Variants in OSBPL3 observed in about 807,000 individuals in gnomAD.
OSBPL3 encodes the protein oxysterol binding protein like 3, also known as oxysterol-binding protein-related protein 3.
OSBPL3 carries 65 observed loss-of-function variants against 120.1 expected under a neutral mutation model. The observed-to-expected ratio is 0.54, with a 90% CI of 0.44 to 0.67. The LOEUF (loss-of-function observed/expected upper bound fraction) is 0.67. OSBPL3 is among the 30% of genes least tolerant of loss of function. OSBPL3 has a pLI of 0.00. For synonymous variants in OSBPL3, 416 were observed against 402.6 expected (o/e 1.03, Z -0.40); for missense variants, 1,004 against 1,082.1 (o/e 0.93, Z 1.01).
chr7:24,848,738 T>C (rs1169521711), intron 12 of OSBPL3, among the ~76,000 whole-genome samples: 3 of 151,790 alleles, frequency 2.0e-5, no homozygotes, highest in Admixed American at 6.6e-5. Context: ...TCTTCAGTAG[T>C]AACAAGAGAA....
In OSBPL3 at chr7:24,946,971, A is replaced by T. The variant is rs570603014; in HGVS notation, c.-150+32915T>A. Among the ~76,000 whole-genome samples the T allele has an allele frequency of 5.3e-5, 8 of 152,340 alleles. No individual in the cohort carries two copies. In the South Asian group the frequency reaches 1.7e-3, roughly 32 times the overall value. ...TTGGCTTGTGCTCAAAACGAAAAGG[A>T]TAAGCATTATTGTTCATTATTCTTG... On this transcript the variant is annotated intron_variant, in intron 1 of 22. Transcript: ENST00000313367. The surrounding 1 kb of genome is among the most constrained non-coding windows in gnomAD (Gnocchi z 4.3).
chr7:24,940,879 G>A lies in OSBPL3; in HGVS notation c.-150+39007C>T, dbSNP rs1235199457. ...CTGTCGCCCAGGCTGGAGTGCACTG[G>A]CGCGATCTCGGCTCACTGCAAGCTC... On this transcript the variant is annotated intron_variant, in intron 1 of 22. Coordinates refer to ENST00000313367, the MANE Select transcript of OSBPL3 (RefSeq NM_015550.4). This position sits in a 1 kb window ranked among gnomAD's most constrained non-coding sequence, Gnocchi z 4.4. 6.6e-6 allele frequency among the ~76,000 whole-genome samples: 1 copy of A among 150,378 alleles called. No individual in the cohort carries two copies. The highest frequency in any genetic ancestry group is 1.9e-4 in the East Asian group (1 of 5,130).
At chr7:24,902,581 G>A (rs188570599) in intron 1 of OSBPL3, among the ~76,000 whole-genome samples, 317 of 152,020 alleles carry the variant, frequency 2.1e-3, no homozygotes, top group Non-Finnish European at 3.8e-3. Context: ...GCATCTTAAG[G>A]TAGGACTAGT....
In OSBPL3 at chr7:24,851,034, T is replaced by C. The variant is rs1799086990; in HGVS notation, c.1158+1470A>G. On this transcript the variant is annotated intron_variant, in intron 11 of 22. Coordinates refer to ENST00000313367, the MANE Select transcript of OSBPL3 (RefSeq NM_015550.4). The surrounding 1 kb of genome is among the most constrained non-coding windows in gnomAD (Gnocchi z 4.1). ...GATACCACAGCCAAATAGGTCTCAGTGGCCAAACAGGCAGATTGACAAGAT... is the reference window on the plus strand; with the variant it reads ...GATACCACAGCCAAATAGGTCTCAGCGGCCAAACAGGCAGATTGACAAGAT... Among the ~76,000 whole-genome samples the C allele has an allele frequency of 6.6e-6, 1 of 152,304 alleles. No homozygotes were observed. Among genetic ancestry groups the C allele is most frequent in the African/African-American group, 2.4e-5 (1 of 41,570 alleles).
chr7:24,865,492 T>A, intron 6 of OSBPL3, 27 bp from the exon 7 acceptor site: 1 of 1,610,558 alleles, frequency 6.2e-7, no homozygotes, highest in Non-Finnish European at 8.5e-7. Flanking sequence ...AAAAGCACAT[T>A]GTAAATGGAA....
chr7:24,843,691 T>C (rs1798056569), intron 12 of OSBPL3, among the ~76,000 whole-genome samples: 1 of 152,230 alleles, frequency 6.6e-6, no homozygotes, highest in Admixed American at 6.5e-5. Flanking sequence ...TTAACAATCC[T>C]ACCCATTTTA....
chr7:24,799,967 T>A lies in OSBPL3; in HGVS notation c.*216A>T. On this transcript the variant is annotated 3_prime_UTR_variant, in exon 23 of 23. Coordinates refer to ENST00000313367, the MANE Select transcript of OSBPL3 (RefSeq NM_015550.4). The surrounding 1 kb of genome is among the most constrained non-coding windows in gnomAD (Gnocchi z 5.3). ...TAAATAGTTTATATATAAAAAGAAA[T>A]GTCAAGGTGTTCTACATTCATATAA... 1 of 265,788 alleles carries A rather than the reference T, an allele frequency of 3.8e-6. No homozygotes were observed. The allele number at this position is 265,788 out of a possible 1,614,324, so 16.5% of individuals were successfully genotyped here.
rs1424202711 is a variant in OSBPL3 at position 24,861,672 on chromosome 7, G to C, written c.968C>G (p.Ser323Cys). The part of the protein sequence containing the change: ...FGEEKNYSDG[S>C]ETSSEFSKMQ... ...TTTAGAAAACTCTGATGAGGTTTCA[G>C]AGCCATCAGAATAATTTTTCTCTTC... The change falls in exon 10 of 23, where the codon TCT becomes TGT. Residue 323 changes from serine to cysteine, a missense_variant. Ser to Cys is a moderately radical substitution (Grantham distance 112). Transcript: ENST00000313367. The C allele has an allele frequency of 1.1e-5, 18 of 1,610,806 alleles. No homozygotes were observed. Among genetic ancestry groups the C allele is most frequent in the Non-Finnish European group, 1.4e-5 (16 of 1,177,444 alleles).
intron 2 of OSBPL3, among the ~76,000 whole-genome samples, chr7:24,880,225 TC>T (rs1803463116): frequency 6.6e-6 from 1 of 152,188 alleles, no homozygotes; most frequent in Non-Finnish European, 1.5e-5. Context: ...AAATTGAAGC[TC>T]CAAATTAGTT....
intron 2 of OSBPL3, among the ~76,000 whole-genome samples, chr7:24,887,454 T>C (rs1020389208): frequency 2.0e-5 from 3 of 152,234 alleles, no homozygotes; most frequent in Non-Finnish European, 4.4e-5. Flanking sequence ...CATCCGTAAT[T>C]ATACCAGTTT....
rs1794060527 is a variant in OSBPL3, at chr7:24,813,277, G to A, written c.2172+1782C>T. Among the ~76,000 whole-genome samples the A allele has an allele frequency of 6.6e-6, 1 of 152,166 alleles. No homozygotes were observed. The highest frequency in any genetic ancestry group is 2.4e-5 in the African/African-American group (1 of 41,426). ...TTGCTGGAAGCCACCAAGGGACACT[G>A]TCACCTTCCACAGGCGAGTGTGGCA... On this transcript the variant is annotated intron_variant, in intron 19 of 22. Transcript: ENST00000313367. The surrounding 1 kb of genome is among the most constrained non-coding windows in gnomAD (Gnocchi z 4.5).
rs1364399238 is a variant in OSBPL3 at position 24,871,119 on chromosome 7, C to T, written c.268-274G>A. 6.6e-6 allele frequency among the ~76,000 whole-genome samples: 1 copy of T among 152,196 alleles called. No homozygotes were observed. The highest frequency in any genetic ancestry group is 1.5e-5 in the Non-Finnish European group (1 of 68,036). On this transcript the variant is annotated intron_variant, in intron 4 of 22. Transcript: ENST00000313367. This position sits in a 1 kb window ranked among gnomAD's most constrained non-coding sequence, Gnocchi z 4.8. ...TTTACACAGCCAGGATGTGAGGAAA[C>T]AAAAGAGTAAGCACCGTGGGTTGAC...
rs1242404849 is a variant in OSBPL3 at position 24,894,636 on chromosome 7, T to TTG, written c.-149-2017_-149-2016dup. Among the ~76,000 whole-genome samples the TTG allele has an allele frequency of 2.0e-5, 3 of 151,664 alleles. No homozygotes were observed. The highest frequency in any genetic ancestry group is 2.9e-5 in the Non-Finnish European group (2 of 67,902). On this transcript the variant is annotated intron_variant, in intron 1 of 22. Transcript: ENST00000313367. The surrounding 1 kb of genome is among the most constrained non-coding windows in gnomAD (Gnocchi z 4.1). ...TGGATTAGGAATACCAGCGGAGTGT[T>TTG]TGTGTGTGTGTGTACAAGCTTTGCT...
At chr7:24,842,172 G>A (rs1462837725) in intron 13 of OSBPL3, 107 bp downstream of exon 13, 4 of 1,154,336 alleles carry the variant, frequency 3.5e-6, no homozygotes, top group Admixed American at 2.1e-5. Flanking sequence ...GACTACAAAG[G>A]GCAACTGAGT....
In OSBPL3 at chr7:24,936,801, G is replaced by A. The variant is rs1433712356; in HGVS notation, c.-150+43085C>T. Among the ~76,000 whole-genome samples, 2 of 152,188 alleles carry A rather than the reference G, an allele frequency of 1.3e-5. No homozygotes were observed. The highest frequency in any genetic ancestry group is 4.8e-5 in the African/African-American group (2 of 41,450). ...GCCTGCATTATCCTATATGCAGTAG[G>A]AAACTCAAAGGCTTTTAAACAGAGG... On this transcript the variant is annotated intron_variant, in intron 1 of 22. Transcript: ENST00000313367. The surrounding 1 kb of genome is among the most constrained non-coding windows in gnomAD (Gnocchi z 4.2).
In OSBPL3 at chr7:24,841,602, C is replaced by G. The variant is rs192143802; in HGVS notation, c.1401+677G>C. ...CCCAGATACTTGGGAGGCTGAAGTA[C>G]GAGAATTGCTTGAACCTGGGAGGCA... On this transcript the variant is annotated intron_variant, in intron 13 of 22. Transcript: ENST00000313367. Among the ~76,000 whole-genome samples, 1,001 of 141,940 alleles carry G rather than the reference C, an allele frequency of 7.1e-3. 5 individuals carry two copies. Among genetic ancestry groups the G allele is most frequent in the Middle Eastern group, 0.027 (7 of 264 alleles). The allele number at this position is 141,940 out of a possible 152,430, so 93.1% of individuals were successfully genotyped here.
intron 16 of OSBPL3, among the ~76,000 whole-genome samples, chr7:24,823,348 T>C (rs1366498380): frequency 6.8e-6 from 1 of 147,174 alleles, no homozygotes; most frequent in Non-Finnish European, 1.5e-5. Flanking sequence ...GAAAATACAC[T>C]CATTTAAAAA....
intron 12 of OSBPL3, among the ~76,000 whole-genome samples, chr7:24,848,772 C>T (rs1268697046): frequency 7.6e-6 from 1 of 132,150 alleles, no homozygotes; most frequent in Non-Finnish European, 1.6e-5. Flanking sequence ...CTATAGTTCC[C>T]ACTCCAGTAC....
chr7:24,950,591 G>A (rs1475185597), intron 1 of OSBPL3, among the ~76,000 whole-genome samples: 2 of 152,146 alleles, frequency 1.3e-5, no homozygotes, highest in African/African-American at 2.4e-5. Context: ...GCGCGGTGGC[G>A]GGTGCCTGTA....
Sources: allele counts gnomAD v4.1 joint callset (sites outside exome capture counted in the v4.1 genomes callset), GRCh38; gene constraint gnomAD v4.1.1; non-coding constraint Gnocchi (gnomAD v3.1); transcripts MANE v1.5; gene names NCBI Gene and HGNC (gene_info 2026-07-23, HGNC 2026-07-21).